CABIN1: variants seen among roughly 807,000 people sequenced by gnomAD.
The protein encoded by CABIN1 is calcineurin binding protein 1, also known as calcineurin-binding protein cabin-1.
Under a neutral mutation model 227.7 loss-of-function variants are expected in CABIN1, and 133 were observed. The observed-to-expected ratio is 0.58, with a 90% confidence interval of 0.51 to 0.67. CABIN1 has a LOEUF of 0.67. CABIN1 is among the 30% of genes least tolerant of loss of function. CABIN1 has a pLI of 0.00. For missense variants in CABIN1, 2,408 were observed against 2,852.5 expected, an observed-to-expected ratio of 0.84 and a Z score of 3.55; for synonymous variants, 1,086 against 1,155.1, an observed-to-expected ratio of 0.94 and a Z score of 1.21.
At chr22:24,116,046 C>T (rs1345964626) in intron 27 of CABIN1, among the ~76,000 whole-genome samples, 9 of 152,148 alleles carry the variant, frequency 5.9e-5, no homozygotes, top group East Asian at 1.9e-4. Flanking sequence ...TCACACTGCC[C>T]GAGGACCAGC....
At chr22:24,144,907 A>G (rs1037208453) in intron 29 of CABIN1, among the ~76,000 whole-genome samples, 5 of 152,168 alleles carry the variant, frequency 3.3e-5, no homozygotes, top group Non-Finnish European at 5.9e-5. Flanking sequence ...ACTTTTGCAC[A>G]TGTGCTTTTG....
At chr22:24,125,549 T>TC (rs1399354517) in intron 28 of CABIN1, among the ~76,000 whole-genome samples, 1 of 152,160 alleles carries the variant, frequency 6.6e-6, no homozygotes, top group East Asian at 1.9e-4. Context: ...AGGCAAGTGT[T>TC]CGGGGGGAGC....
At position 24,113,621 on chromosome 22, in the gene CABIN1, C is replaced by T; in HGVS notation, c.4173C>T (p.Asp1391=). 6.2e-7 allele frequency: 1 copy of T among 1,614,160 alleles called. No individual in the cohort carries two copies. The highest frequency in any genetic ancestry group is 8.5e-7 in the Non-Finnish European group (1 of 1,180,038). ...VALSDSSSTQ[D]FFNEPTSLLE... ...TCTCAGACTCTAGCTCAACGCAGGA[C>T]TTCTTTAATGAGCCCACCAGCTTAC... The change falls in exon 27 of 37, where the codon GAC becomes GAT. Residue 1391 remains aspartate (D), a synonymous_variant. Coordinates refer to ENST00000263119, the MANE Select transcript of CABIN1 (RefSeq NM_012295.4).
At chr22:24,172,700 T>A (rs931821098) in intron 34 of CABIN1, among the ~76,000 whole-genome samples, 4 of 152,168 alleles carry the variant, frequency 2.6e-5, no homozygotes, top group African/African-American at 9.6e-5. Flanking sequence ...AAGCCACAGA[T>A]CCTTCCTTTG....
At chr22:24,086,857 T>G (rs1312564083) in intron 22 of CABIN1, among the ~76,000 whole-genome samples, 1 of 152,178 alleles carries the variant, frequency 6.6e-6, no homozygotes, top group Admixed American at 6.5e-5. Context: ...TGCTGAGAAC[T>G]GAGCTGGAAG....
rs1238612715 is a variant in CABIN1 at position 24,119,663 on chromosome 22, C to A, written c.4597C>A (p.Leu1533Met). ...FPQHYKSLYR[L>M]AFLYTYSKTH... Reference sequence around the variant, plus strand: ...CCAGCACTATAAGAGTCTCTACCGTCTGGCCTTCCTCTACACCTACAGCAA... The same window carrying A: ...CCAGCACTATAAGAGTCTCTACCGTATGGCCTTCCTCTACACCTACAGCAA... The change falls in exon 28 of 37, where the codon CTG (leucine) becomes ATG (methionine). Residue 1533 changes from leucine to methionine, a missense_variant. Physicochemically the swap from Leu to Met is conservative, Grantham distance 15 (BLOSUM62 2). Around this residue, in one of 3 missense-constraint regions of CABIN1, gnomAD observed 649 missense variants for 910.3 expected, o/e 0.71. Coordinates refer to ENST00000263119, the MANE Select transcript of CABIN1 (RefSeq NM_012295.4). The A allele has an allele frequency of 6.2e-7, 1 of 1,614,046 alleles. No homozygotes were observed. Among genetic ancestry groups the A allele is most frequent in the African/African-American group, 1.3e-5 (1 of 75,072 alleles).
intron 29 of CABIN1, among the ~76,000 whole-genome samples, chr22:24,141,516 C>G (rs1410317177): frequency 6.6e-6 from 1 of 152,246 alleles, no homozygotes; most frequent in African/African-American, 2.4e-5. Flanking sequence ...GGACACAGGT[C>G]CCCACAGCCA....
At chr22:24,074,331 G>T (rs1254219016) in intron 18 of CABIN1, among the ~76,000 whole-genome samples, 2 of 152,082 alleles carry the variant, frequency 1.3e-5, no homozygotes, top group Admixed American at 6.6e-5. Context: ...GAGAGAGATT[G>T]GAAAGGAAAA....
intron 5 of CABIN1, 117 bp from the exon 6 acceptor site, chr22:24,042,787 C>T: frequency 1.0e-6 from 1 of 981,514 alleles, no homozygotes; most frequent in African/African-American, 1.8e-5. Flanking sequence ...CTCCTCCCGT[C>T]CCCGGGGTGC....
intron 22 of CABIN1, 23 bp downstream of exon 22, chr22:24,085,174 T>A (rs367737246): frequency 6.2e-7 from 1 of 1,613,992 alleles, no homozygotes; most frequent in East Asian, 2.2e-5. Flanking sequence ...ATCATGAGGC[T>A]AGGCTGGCTG....
chr22:24,017,873 C>T (rs532084945), intron 1 of CABIN1, among the ~76,000 whole-genome samples: 1 of 151,470 alleles, frequency 6.6e-6, no homozygotes, highest in South Asian at 2.1e-4. Flanking sequence ...AGTTGTAAAA[C>T]GTTATTTATT....
intron 19 of CABIN1, among the ~76,000 whole-genome samples, chr22:24,080,410 C>T (rs1017756202): frequency 1.3e-5 from 2 of 152,164 alleles, no homozygotes; most frequent in African/African-American, 4.8e-5. Context: ...TTTATGATAT[C>T]CAACCCCCTA....
intron 33 of CABIN1, among the ~76,000 whole-genome samples, chr22:24,170,373 G>A (rs963730146): frequency 3.9e-5 from 6 of 152,188 alleles, no homozygotes; most frequent in African/African-American, 7.2e-5. Flanking sequence ...CCCTGAACCC[G>A]CCTGGAGGGT....
intron 1 of CABIN1, among the ~76,000 whole-genome samples, chr22:24,021,980 C>T (rs896141047): frequency 4.6e-5 from 7 of 152,276 alleles, no homozygotes; most frequent in South Asian, 2.1e-4. Context: ...CCACCGTGCC[C>T]GGCCAGCATA....
chr22:24,056,355 G>A lies in CABIN1; in HGVS notation c.1257G>A (p.Pro419=), dbSNP rs370920994. 4.3e-5 allele frequency: 70 copies of A among 1,613,760 alleles called. No homozygotes were observed. Among genetic ancestry groups the A allele is most frequent in the South Asian group, 2.1e-4 (19 of 91,074 alleles). Residue 419 remains proline (P), a synonymous_variant, in exon 10 of 37, where the codon CCG becomes CCA. Transcript: ENST00000263119. ...DFQELLMKFL[P]SRLRKLDPEE... is the part of the protein sequence containing the mutation. ...AGGAGCTTCTGATGAAGTTCTTGCC[G>A]TCCAGGTACTGTGTATTTTTTCTGA...
Position 24,119,689 on chromosome 22 carries a change from G to C in CABIN1, c.4623G>C (p.Lys1541Asn). The C allele has an allele frequency of 6.2e-7, 1 of 1,613,940 alleles. No homozygotes were observed. The highest frequency in any genetic ancestry group is 8.5e-7 in the Non-Finnish European group (1 of 1,180,012). ...YRLAFLYTYS[K>N]THRNLQWARD... ...TGGCCTTCCTCTACACCTACAGCAA[G>C]ACCCACCGGGTGAGTGGCTGCCGGG... Residue 1541 changes from lysine to asparagine, a missense_variant, in exon 28 of 37, where the codon AAG becomes AAC. This residue lies in a region of CABIN1 where 649 missense variants were observed against 910.3 expected (regional missense o/e 0.71). Coordinates refer to ENST00000263119, the MANE Select transcript of CABIN1 (RefSeq NM_012295.4).
At chr22:24,148,571 G>A (rs957645569) in intron 29 of CABIN1, among the ~76,000 whole-genome samples, 4 of 152,224 alleles carry the variant, frequency 2.6e-5, no homozygotes, top group African/African-American at 7.2e-5. Flanking sequence ...TGTGGACACT[G>A]CCCTGTCCTC....
intron 1 of CABIN1, among the ~76,000 whole-genome samples, chr22:24,018,236 C>T (rs1170325508): frequency 6.6e-6 from 1 of 152,028 alleles, no homozygotes; most frequent in African/African-American, 2.4e-5. Flanking sequence ...TATTTTCTCC[C>T]AATTTGTTAG....
At chr22:24,156,391 C>CGGCGCGCGGGGG (rs1378448923) in intron 29 of CABIN1, 3 of 278,042 alleles carry the variant, frequency 1.1e-5, no homozygotes, top group Non-Finnish European at 1.3e-5. Flanking sequence ...GCTTGGGCGG[C>CGGCGCGCGGGGG]GGCGCGCGGG....
Sources: allele counts gnomAD v4.1 joint callset (sites outside exome capture counted in the v4.1 genomes callset), GRCh38; gene constraint gnomAD v4.1.1; regional missense constraint gnomAD v4.1.1; transcripts MANE v1.5; gene names NCBI Gene and HGNC (gene_info 2026-07-23, HGNC 2026-07-21).